TAS2R38: variants seen among roughly 807,000 people sequenced by gnomAD.
TAS2R38 encodes taste receptor type 2 member 38.
Under a neutral mutation model 16.4 loss-of-function variants are expected in TAS2R38, and 11 were observed. The ratio of observed to expected loss-of-function variants is 0.67; its 90% CI spans 0.42 to 1.11. TAS2R38 has a LOEUF of 1.11. Ranked by LOEUF, TAS2R38 falls within the 50% of genes least tolerant of loss-of-function variation. The pLI is 0.00. For synonymous variants in TAS2R38, 149 were observed against 155.6 expected (o/e 0.96, Z 0.32); for missense variants, 364 against 395.8 (o/e 0.92, Z 0.68).
At position 141,973,122 on chromosome 7, in the gene TAS2R38, T is replaced by C. The variant is rs782347223; in HGVS notation, c.568A>G (p.Asn190Asp). 1.2e-6 allele frequency: 2 copies of C among 1,613,970 alleles called. No homozygotes were observed. Among genetic ancestry groups the C allele is most frequent in the African/African-American group, 2.7e-5 (2 of 74,980 alleles). The change falls in exon 1 of 1, where the codon AAT becomes GAT. Residue 190 changes from asparagine to aspartate, a missense_variant. By Grantham distance (23) the Asn-to-Asp change is conservative. Transcript: ENST00000547270. ...TRLNWQIKDL[N>D]LFYSFLFCYL... ...CAGAAGAGAAAGGAATAAAATAAAT[T>C]GAGATCTTTAATCTGCCAGTTGAGC...
In TAS2R38 at chr7:141,972,880, CAGT is replaced by C. The variant is rs782757978; in HGVS notation, c.807_809del (p.Leu270del). 5 of 1,613,958 alleles carry C rather than the reference CAGT, an allele frequency of 3.1e-6. No homozygotes were observed. The East Asian group carries it at 1.1e-4, about 36-fold the overall frequency. On this transcript the variant is annotated inframe_deletion, in exon 1 of 1. Transcript: ENST00000547270. ...CCCCTATTTTGTCGCGCCACAGAAT[CAGT>C]AGGGGCACAGAGATGAAGGCAGCAC... is the stretch of plus-strand genomic sequence containing the variant.
At position 141,972,723 on chromosome 7, in the gene TAS2R38, C is replaced by G. The variant is rs1554444314; in HGVS notation, c.967G>C (p.Ala323Pro). 1.2e-6 allele frequency: 2 copies of G among 1,613,854 alleles called. No homozygotes were observed. Among genetic ancestry groups the G allele is most frequent in the Admixed American group, 1.7e-5 (1 of 60,004 alleles). Residue 323 changes from alanine to proline, a missense_variant, in exon 1 of 1, where the codon GCC becomes CCC. Physicochemically the swap from Ala to Pro is conservative, Grantham distance 27. Transcript: ENST00000547270. ...GTCCGGGAATCTGCCTTGTGGTCGG[C>G]TCTTACCTTCAGGCTGCTCTGAGCC... ...LWAQSSLKVR[A>P]DHKADSRTLC
rs1803394056 is a variant in TAS2R38, at chr7:141,972,979, G to T, written c.711C>A (p.Pro237=). The change falls in exon 1 of 1, where the codon CCC becomes CCA. Residue 237 remains proline, a synonymous_variant. Transcript: ENST00000547270. ...MKVYTRNSRD[P]SLEAHIKALK... ...GGGCTTTAATGTGGGCCTCCAGGCT[G>T]GGGTCACGAGAGTTTCTGGTATAGA... is the stretch of plus-strand genomic sequence containing the variant. The T allele has an allele frequency of 9.9e-6, 16 of 1,613,994 alleles. No individual in the cohort carries two copies. Among genetic ancestry groups the T allele is most frequent in the Admixed American group, 1.7e-5 (1 of 59,974 alleles).
rs1182049030 is a variant in TAS2R38, at chr7:141,973,509, T to C, written c.181A>G (p.Ser61Gly). The C allele has an allele frequency of 4.3e-6, 7 of 1,614,022 alleles. No homozygotes were observed. Among genetic ancestry groups the C allele is most frequent in the Non-Finnish European group, 5.9e-6 (7 of 1,180,040 alleles). ...CCATGCAGGAAAAGCCGGCTGATGC[T>C]GAGACACAGCAGCACACAATCACTG... ...SNSDCVLLCL[S>G]ISRLFLHGLL... The change falls in exon 1 of 1, where the codon AGC becomes GGC. Residue 61 changes from serine (S) to glycine (G), a missense_variant. Transcript: ENST00000547270.
Position 141,972,966 on chromosome 7 carries a change from G to A in TAS2R38, c.724C>T (p.His242Tyr). The change falls in exon 1 of 1, where the codon CAC (histidine) becomes TAC (tyrosine). Residue 242 changes from histidine (H) to tyrosine (Y), a missense_variant. By Grantham distance (83) the His-to-Tyr change is moderately conservative. Transcript: ENST00000547270. ...ACAAGAGACTTGAGGGCTTTAATGT[G>A]GGCCTCCAGGCTGGGGTCACGAGAG... Reference protein sequence around the residue: ...RNSRDPSLEAHIKALKSLVSF... With the variant: ...RNSRDPSLEAYIKALKSLVSF... 1 of 1,614,080 alleles carries A rather than the reference G, an allele frequency of 6.2e-7. No individual in the cohort carries two copies. The highest frequency in any genetic ancestry group is 8.5e-7 in the Non-Finnish European group (1 of 1,180,022).
chr7:141,972,711 C>T lies in TAS2R38; in HGVS notation c.979G>A (p.Ala327Thr). 1.2e-6 allele frequency: 2 copies of T among 1,612,712 alleles called. No homozygotes were observed. The highest frequency in any genetic ancestry group is 1.7e-6 in the Non-Finnish European group (2 of 1,179,150). The change falls in exon 1 of 1, where the codon GCA (alanine) becomes ACA (threonine). Residue 327 changes from alanine (A) to threonine (T), a missense_variant. By Grantham distance (58) the Ala-to-Thr change is moderately conservative. Coordinates refer to ENST00000547270, the MANE Select transcript of TAS2R38 (RefSeq NM_176817.5). ...TCTCAGCACAGTGTCCGGGAATCTGCCTTGTGGTCGGCTCTTACCTTCAGG... is the reference window on the plus strand; with the variant it reads ...TCTCAGCACAGTGTCCGGGAATCTGTCTTGTGGTCGGCTCTTACCTTCAGG... ...SSLKVRADHK[A>T]DSRTLC
Position 141,973,639 on chromosome 7 carries a change from T to G in TAS2R38, c.51A>C (p.Thr17=). 6.2e-7 allele frequency: 1 copy of G among 1,614,034 alleles called. No individual in the cohort carries two copies. Among genetic ancestry groups the G allele is most frequent in the South Asian group, 1.1e-5 (1 of 91,078 alleles). ...IRTVSYEVRS[T]FLFISVLEFA... Reference sequence around the variant, plus strand: ...ACTCCAGGACTGAAATGAACAGAAATGTACTCCTGACTTCATAGGACACAG... The same window carrying G: ...ACTCCAGGACTGAAATGAACAGAAAGGTACTCCTGACTTCATAGGACACAG... Residue 17 remains threonine (T), a synonymous_variant, in exon 1 of 1, where the codon ACA becomes ACC. Transcript: ENST00000547270.
At position 141,972,820 on chromosome 7, in the gene TAS2R38, G is replaced by A. The variant is rs1803390119; in HGVS notation, c.870C>T (p.Pro290=). The change falls in exon 1 of 1, where the codon CCC becomes CCT. Residue 290 remains proline (P), a synonymous_variant. Transcript: ENST00000547270. ...MVCVGIMAAC[P]SGHAAILISG... ...AGATCAGGATGGCTGCATGCCCAGA[G>A]GGACAAGCTGCCATTATCCCAACAC... 6.2e-7 allele frequency: 1 copy of A among 1,614,144 alleles called. No homozygotes were observed.
Position 141,973,251 on chromosome 7 carries a change from T to C in TAS2R38, c.439A>G (p.Ile147Val), listed in dbSNP as rs530889921. The change falls in exon 1 of 1, where the codon ATT becomes GTT. Residue 147 changes from isoleucine to valine, a missense_variant. Coordinates refer to ENST00000547270, the MANE Select transcript of TAS2R38 (RefSeq NM_176817.5). ...SRKISQMLLG[I>V]ILCSCICTVL... is the part of the protein sequence containing the mutation. ...GTGCAGATGCAGGAGCAAAGAATAA[T>C]ACCCAGGAGCATCTGGGAGATCTTC... is the stretch of plus-strand genomic sequence containing the variant. The C allele has an allele frequency of 6.9e-5, 112 of 1,613,892 alleles. No individual in the cohort carries two copies. In the South Asian group the frequency reaches 1.2e-3, roughly 17 times the overall value.
rs1554444343 is a variant in TAS2R38, at chr7:141,972,860, A to G, written c.830T>C (p.Ile277Thr). ...TATCCCAACACAAACCATCACCCCT[A>G]TTTTGTCGCGCCACAGAATCAGTAG... Reference protein sequence around the residue: ...VPLLILWRDKIGVMVCVGIMA... With the variant: ...VPLLILWRDKTGVMVCVGIMA... The change falls in exon 1 of 1, where the codon ATA (isoleucine) becomes ACA (threonine). Residue 277 changes from isoleucine to threonine, a missense_variant. Transcript: ENST00000547270. 3 of 1,614,058 alleles carry G rather than the reference A, an allele frequency of 1.9e-6. No individual in the cohort carries two copies. The highest frequency in any genetic ancestry group is 2.5e-6 in the Non-Finnish European group (3 of 1,180,010).
At position 141,973,671 on chromosome 7, in the gene TAS2R38, T is replaced by C. The variant is rs781811462; in HGVS notation, c.19A>G (p.Ile7Val). The C allele has an allele frequency of 1.3e-5, 21 of 1,613,430 alleles. No individual in the cohort carries two copies. Among genetic ancestry groups the C allele is most frequent in the Non-Finnish European group, 1.7e-6 (2 of 1,179,658 alleles). MLTLTRIRTVSYEVRST... is the reference protein window; with the variant it reads MLTLTRVRTVSYEVRST... ...CTGACTTCATAGGACACAGTGCGGA[T>C]GCGAGTTAGAGTCAACATGATGTCA... is the stretch of plus-strand genomic sequence containing the variant. The change falls in exon 1 of 1, where the codon ATC becomes GTC. Residue 7 changes from isoleucine to valine, a missense_variant. Coordinates refer to ENST00000547270, the MANE Select transcript of TAS2R38 (RefSeq NM_176817.5).
Position 141,972,889 on chromosome 7 carries a change from C to T in TAS2R38, c.801G>A (p.Val267=). The change falls in exon 1 of 1, where the codon GTG becomes GTA. Residue 267 remains valine, a synonymous_variant. Transcript: ENST00000547270. ...TGTCGCGCCACAGAATCAGTAGGGGCACAGAGATGAAGGCAGCACAGGATG... is the reference window on the plus strand; with the variant it reads ...TGTCGCGCCACAGAATCAGTAGGGGTACAGAGATGAAGGCAGCACAGGATG... ...VISSCAAFIS[V]PLLILWRDKI... is the part of the protein sequence containing the mutation. 1 of 1,614,052 alleles carries T rather than the reference C, an allele frequency of 6.2e-7. No individual in the cohort carries two copies. Among genetic ancestry groups the T allele is most frequent in the South Asian group, 1.1e-5 (1 of 91,080 alleles).
In TAS2R38 at chr7:141,973,730, A is replaced by C. The variant is rs1554444472; in HGVS notation, c.-41T>G. 1 of 1,582,796 alleles carries C rather than the reference A, an allele frequency of 6.3e-7. No homozygotes were observed. Among genetic ancestry groups the C allele is most frequent in the East Asian group, 2.2e-5 (1 of 44,656 alleles). ...ATTGGCTATTCTACTTCTCTTCTCTAGTTGGCTAATCTAAAGACCTGGTTG... is the reference window on the plus strand; with the variant it reads ...ATTGGCTATTCTACTTCTCTTCTCTCGTTGGCTAATCTAAAGACCTGGTTG... On this transcript the variant is annotated 5_prime_UTR_variant, in exon 1 of 1. Coordinates refer to ENST00000547270, the MANE Select transcript of TAS2R38 (RefSeq NM_176817.5).
chr7:141,973,702 C>G lies in TAS2R38; in HGVS notation c.-13G>C, dbSNP rs782033376. 1.9e-6 allele frequency: 3 copies of G among 1,604,842 alleles called. No homozygotes were observed. The highest frequency in any genetic ancestry group is 2.6e-6 in the Non-Finnish European group (3 of 1,174,828). On this transcript the variant is annotated 5_prime_UTR_variant, in exon 1 of 1. Transcript: ENST00000547270. ...TTAGAGTCAACATGATGTCACTTCT[C>G]TAATTGGCTATTCTACTTCTCTTCT...
Position 141,973,172 on chromosome 7 carries a change from A to G in TAS2R38, c.518T>C (p.Val173Ala), listed in dbSNP as rs1554444383. The G allele has an allele frequency of 1.2e-6, 2 of 1,614,052 alleles. No homozygotes were observed. Among genetic ancestry groups the G allele is most frequent in the Non-Finnish European group, 1.7e-6 (2 of 1,180,038 alleles). Residue 173 changes from valine to alanine, a missense_variant, in exon 1 of 1, where the codon GTG (valine) becomes GCG (alanine). Val to Ala is a moderately conservative substitution (Grantham distance 64). Coordinates refer to ENST00000547270, the MANE Select transcript of TAS2R38 (RefSeq NM_176817.5). ...FSRPHFTVTT[V>A]LFMNNNTRLN... The stretch of plus-strand genomic sequence containing the variant: ...CCTTGTATTGTTATTCATGAATAGC[A>G]CAGTTGTGACTGTGAAGTGAGGTCT...
In TAS2R38 at chr7:141,973,648, G is replaced by C. The variant is rs556042962; in HGVS notation, c.42C>G (p.Val14=). Residue 14 remains valine (V), a synonymous_variant, in exon 1 of 1, where the codon GTC becomes GTG. Coordinates refer to ENST00000547270, the MANE Select transcript of TAS2R38 (RefSeq NM_176817.5). The part of the protein sequence containing the change: ...LTRIRTVSYE[V]RSTFLFISVL... ...CTGAAATGAACAGAAATGTACTCCT[G>C]ACTTCATAGGACACAGTGCGGATGC... The C allele has an allele frequency of 8.6e-5, 138 of 1,614,022 alleles. 3 individuals carry two copies. In the South Asian group the frequency reaches 1.3e-3, roughly 15 times the overall value.
In TAS2R38 at chr7:141,973,155, T is replaced by A; in HGVS notation, c.535A>T (p.Asn179Tyr). Residue 179 changes from asparagine to tyrosine, a missense_variant, in exon 1 of 1, where the codon AAT (asparagine) becomes TAT (tyrosine). Transcript: ENST00000547270. ...TVTTVLFMNN[N>Y]TRLNWQIKDL... Reference sequence around the variant, plus strand: ...TTAATCTGCCAGTTGAGCCTTGTATTGTTATTCATGAATAGCACAGTTGTG... The same window carrying A: ...TTAATCTGCCAGTTGAGCCTTGTATAGTTATTCATGAATAGCACAGTTGTG... 2 of 1,614,066 alleles carry A rather than the reference T, an allele frequency of 1.2e-6. No individual in the cohort carries two copies. The highest frequency in any genetic ancestry group is 1.7e-6 in the Non-Finnish European group (2 of 1,180,008).
Position 141,973,550 on chromosome 7 carries a change from C to A in TAS2R38, c.140G>T (p.Arg47Met). ...ACAATCACTGTTGCTCAGTGCCTGC[C>A]TCTTCACTACATCCCAAAAATTCAC... ...FLVNFWDVVK[R>M]QALSNSDCVL... The change falls in exon 1 of 1, where the codon AGG becomes ATG. Residue 47 changes from arginine to methionine, a missense_variant. Coordinates refer to ENST00000547270, the MANE Select transcript of TAS2R38 (RefSeq NM_176817.5). 1.2e-6 allele frequency: 2 copies of A among 1,614,130 alleles called. No individual in the cohort carries two copies. Among genetic ancestry groups the A allele is most frequent in the Non-Finnish European group, 1.7e-6 (2 of 1,180,008 alleles).
chr7:141,973,106 A>C lies in TAS2R38; in HGVS notation c.584T>G (p.Phe195Cys). Residue 195 changes from phenylalanine to cysteine, a missense_variant, in exon 1 of 1, where the codon TTT becomes TGT. Physicochemically the swap from Phe to Cys is radical, Grantham distance 205 (BLOSUM62 -2). Transcript: ENST00000547270. ...QIKDLNLFYS[F>C]LFCYLWSVPP... ...CACAGACCACAGATAGCAGAAGAGAAAGGAATAAAATAAATTGAGATCTTT... is the reference window on the plus strand; with the variant it reads ...CACAGACCACAGATAGCAGAAGAGACAGGAATAAAATAAATTGAGATCTTT... 6.2e-7 allele frequency: 1 copy of C among 1,614,128 alleles called. No individual in the cohort carries two copies.
Sources: allele counts gnomAD v4.1 joint callset, GRCh38; gene constraint gnomAD v4.1.1; transcripts MANE v1.5; gene names NCBI Gene and HGNC (gene_info 2026-07-23, HGNC 2026-07-21).